LARGE1: variants seen among roughly 807,000 people sequenced by gnomAD.
LARGE1 encodes the protein LARGE xylosyl- and glucuronyltransferase 1, also known as xylosyl- and glucuronyltransferase LARGE1.
A neutral mutation model predicts 87.6 loss-of-function variants in LARGE1; 43 were observed. The observed-to-expected ratio is 0.49, with a 90% confidence interval of 0.38 to 0.63. The LOEUF is 0.63. LARGE1 is among the 30% of genes least tolerant of loss of function. The probability of loss-of-function intolerance (pLI) is 0.00; values close to 1 mark genes in which losing one functional copy is unlikely to be tolerated. For missense variants in LARGE1, 802 were observed against 1,000.2 expected (o/e 0.80, Z 2.67); for synonymous variants, 434 against 394.6 (o/e 1.10, Z -1.18).
At chr22:33,102,823 G>A in the LARGE1 span, among the ~76,000 whole-genome samples, 1 of 151,982 alleles carries the variant, frequency 6.6e-6, no homozygotes, top group Non-Finnish European at 1.5e-5. Context: ...CTGCACTCCC[G>A]GCCCTTTCCA....
chr22:33,319,047 T>C (rs16992125), intron 10 of LARGE1, among the ~76,000 whole-genome samples: 7,377 of 152,258 alleles, frequency 0.048, 326 homozygotes, highest in African/African-American at 0.13. Context: ...AGATGTGTGC[T>C]ATGGAAGATG....
At chr22:33,664,262 G>A (rs2081208009) in intron 2 of LARGE1, among the ~76,000 whole-genome samples, 1 of 152,166 alleles carries the variant, frequency 6.6e-6, no homozygotes, top group African/African-American at 2.4e-5. Context: ...CACAGCCTTG[G>A]ATTTCCACCT....
chr22:33,234,221 A>G (rs1318337628), intron 11 of LARGE1, among the ~76,000 whole-genome samples: 1 of 152,246 alleles, frequency 6.6e-6, no homozygotes, highest in African/African-American at 2.4e-5. Context: ...GCAGAATGAG[A>G]CAATGGTATA....
intron 7 of LARGE1, among the ~76,000 whole-genome samples, chr22:33,393,220 G>A (rs2065595315): frequency 6.6e-6 from 1 of 152,170 alleles, no homozygotes; most frequent in Admixed American, 6.5e-5. Context: ...GGTCATAAAA[G>A]ACTTGAGAAA....
At chr22:33,282,993 T>C (rs1322835013) in intron 13 of LARGE1, among the ~76,000 whole-genome samples, 1 of 152,120 alleles carries the variant, frequency 6.6e-6, no homozygotes, top group African/African-American at 2.4e-5. Context: ...ACGTCTGTCA[T>C]CCATGCACAA....
At chr22:33,320,985 G>A (rs1936655926) in intron 10 of LARGE1, 1 of 152,238 alleles carries the variant, frequency 6.6e-6, no homozygotes, top group Admixed American at 6.5e-5. Flanking sequence ...AGACGCAGAT[G>A]CAGCACAGTG....
chr22:33,224,646 C>T (rs1352816856), intron 11 of LARGE1, among the ~76,000 whole-genome samples: 2 of 152,092 alleles, frequency 1.3e-5, no homozygotes, highest in African/African-American at 2.4e-5. Context: ...TCGGGTCCAC[C>T]GTGACCTAAA....
intron 6 of LARGE1, among the ~76,000 whole-genome samples, chr22:33,502,026 C>T (rs1161808737): frequency 6.6e-6 from 1 of 152,014 alleles, no homozygotes; most frequent in Middle Eastern, 3.2e-3. Context: ...AACCCCATCT[C>T]TCTATTAAAA....
At chr22:33,673,987 T>G (rs1569360832) in intron 2 of LARGE1, among the ~76,000 whole-genome samples, 1 of 148,124 alleles carries the variant, frequency 6.8e-6, no homozygotes, top group Non-Finnish European at 1.5e-5. Flanking sequence ...TTGTGTATTT[T>G]TAGTAGAGAT....
intron 2 of LARGE1, among the ~76,000 whole-genome samples, chr22:33,660,718 G>A (rs906761679): frequency 2.6e-5 from 4 of 152,194 alleles, no homozygotes; most frequent in South Asian, 2.1e-4. Context: ...CAACCATAAC[G>A]ATTTTATCCT....
rs186512580 is a variant in LARGE1 at position 33,847,576 on chromosome 22, G to A, written c.-83+72419C>T. On this transcript the variant is annotated intron_variant, in intron 1 of 14. Transcript: ENST00000397394. ...GAGTAGTGCTTTATACATAGAAGGT[G>A]AATAATAAGTTGTTGCTGAATAAAT... is the stretch of plus-strand genomic sequence containing the variant. Among the ~76,000 whole-genome samples the A allele has an allele frequency of 8.9e-3, 1,361 of 152,274 alleles. 10 individuals are homozygous for A. Among genetic ancestry groups the A allele is most frequent in the Non-Finnish European group, 0.011 (765 of 68,022 alleles).
intron 3 of LARGE1, among the ~76,000 whole-genome samples, chr22:33,628,460 G>A (rs553366402): frequency 1.3e-5 from 2 of 151,998 alleles, no homozygotes; most frequent in South Asian, 4.2e-4. Context: ...AGGATTACAA[G>A]CACCCACTAC....
intron 11 of LARGE1, among the ~76,000 whole-genome samples, chr22:33,201,435 G>GGAAGGAAGGAAGGAAGGAAAGAAA (rs1323859889): frequency 1.2e-4 from 11 of 93,178 alleles, no homozygotes; most frequent in Admixed American, 9.7e-5. Context: ...AAGGAAAGAA[G>GGAAGGAAGGAAGGAAGGAAAGAAA]GAAGGAAGGA....
intron 6 of LARGE1, among the ~76,000 whole-genome samples, chr22:33,473,322 C>T (rs549523688): frequency 1.8e-4 from 28 of 152,232 alleles, no homozygotes; most frequent in African/African-American, 6.7e-4. Flanking sequence ...GCACCCACCA[C>T]CATGCCCGGG....
intron 6 of LARGE1, among the ~76,000 whole-genome samples, chr22:33,563,705 A>G (rs2077933533): frequency 6.6e-6 from 1 of 152,182 alleles, no homozygotes; most frequent in Admixed American, 6.5e-5. Flanking sequence ...AAGATTAGAG[A>G]GCTGTGCCAT....
At position 33,517,832 on chromosome 22, in the gene LARGE1, T is replaced by A. The variant is rs186478139; in HGVS notation, c.787+47016A>T. Among the ~76,000 whole-genome samples, 321 of 152,300 alleles carry A rather than the reference T, an allele frequency of 2.1e-3. 3 individuals are homozygous for A. Among genetic ancestry groups the A allele is most frequent in the African/African-American group, 7.6e-3 (314 of 41,574 alleles). On this transcript the variant is annotated intron_variant, in intron 6 of 14. Transcript: ENST00000397394. ...CTGCACTATGTCTGTATCCCACAGA[T>A]ACAATATACCTTAAAGAAGAAGGGG...
At chr22:33,739,378 T>A (rs937509478) in intron 2 of LARGE1, among the ~76,000 whole-genome samples, 2 of 152,164 alleles carry the variant, frequency 1.3e-5, no homozygotes, top group African/African-American at 4.8e-5. Context: ...TGCAGAATCA[T>A]AGCATGAAAA....
chr22:33,412,836 T>C (rs2066355942), intron 7 of LARGE1, among the ~76,000 whole-genome samples: 1 of 152,164 alleles, frequency 6.6e-6, no homozygotes, highest in African/African-American at 2.4e-5. Context: ...AATTTTTGCA[T>C]TTTTAGTAGA....
At chr22:33,719,343 C>A (rs183050132) in intron 2 of LARGE1, among the ~76,000 whole-genome samples, 1 of 152,036 alleles carries the variant, frequency 6.6e-6, no homozygotes, top group South Asian at 2.1e-4. Flanking sequence ...AGCATAAGTG[C>A]GCAGTGTTTA....
Sources: gnomAD v4.1 joint callset for allele counts (sites outside exome capture counted in the v4.1 genomes callset) on GRCh38, gnomAD v4.1.1 for gene constraint, MANE v1.5 for transcripts, NCBI Gene and HGNC (gene_info 2026-07-23, HGNC 2026-07-21) for gene names.